The following DACH1 variants were observed in gnomAD, a reference collection of about 807,000 sequenced individuals.
The protein encoded by DACH1 is dachshund homolog 1.
In DACH1, 12 loss-of-function variants were observed where a neutral mutation model predicts 54.2. The observed-to-expected ratio is 0.22, with a 90% CI of 0.14 to 0.36. DACH1 has a LOEUF of 0.36. Ranked by LOEUF, DACH1 falls within the 10% of genes least tolerant of loss-of-function variation. DACH1 has a pLI of 1.00. For synonymous variants in DACH1, 386 were observed against 366.2 expected (o/e 1.05, Z -0.62); for missense variants, 805 against 929.8 (o/e 0.87, Z 1.75).
chr13:71,844,538 T>C (rs1352810736), intron 1 of DACH1, among the ~76,000 whole-genome samples: 1 of 152,192 alleles, frequency 6.6e-6, no homozygotes, highest in Admixed American at 6.5e-5. Context: ...GAAATAATAC[T>C]TTTTTTGTTT....
intron 3 of DACH1, among the ~76,000 whole-genome samples, chr13:71,612,133 A>C (rs1204179594): frequency 6.6e-6 from 1 of 152,110 alleles, no homozygotes; most frequent in Non-Finnish European, 1.5e-5. Context: ...ACCGATCCAA[A>C]TTTTATTTTA....
chr13:71,642,270 A>G (rs1451350635), intron 2 of DACH1, among the ~76,000 whole-genome samples: 1 of 152,192 alleles, frequency 6.6e-6, no homozygotes, highest in African/African-American at 2.4e-5. Context: ...ATTGAAAAAG[A>G]ACCAAACTAA....
chr13:71,778,051 C>T (rs1886137253), intron 1 of DACH1, among the ~76,000 whole-genome samples: 1 of 151,380 alleles, frequency 6.6e-6, no homozygotes, highest in African/African-American at 2.4e-5. Flanking sequence ...GAGATTGCAC[C>T]ACTGCACTCC....
At chr13:71,444,901 T>C (rs991051842) in intron 10 of DACH1, among the ~76,000 whole-genome samples, 1 of 152,136 alleles carries the variant, frequency 6.6e-6, no homozygotes, top group Non-Finnish European at 1.5e-5. Context: ...GGTCTGTTCT[T>C]CCTTCAAGAA....
intron 1 of DACH1, among the ~76,000 whole-genome samples, chr13:71,825,435 G>T (rs953749033): frequency 6.6e-6 from 1 of 152,006 alleles, no homozygotes; most frequent in Non-Finnish European, 1.5e-5. Context: ...CCCCTTAAAA[G>T]AAACCACATA....
At chr13:71,474,083 T>C (rs887700074) in intron 10 of DACH1, among the ~76,000 whole-genome samples, 1 of 152,134 alleles carries the variant, frequency 6.6e-6, no homozygotes, top group African/African-American at 2.4e-5. Context: ...AGATGTCTCA[T>C]AATAACATAT....
chr13:71,757,631 C>T (rs1374752676), intron 1 of DACH1, among the ~76,000 whole-genome samples: 2 of 151,138 alleles, frequency 1.3e-5, no homozygotes, highest in Non-Finnish European at 2.9e-5. Context: ...TCAAGCGATG[C>T]TCCAGCCTCA....
At chr13:71,768,564 C>A (rs1406583208) in intron 1 of DACH1, among the ~76,000 whole-genome samples, 2 of 151,890 alleles carry the variant, frequency 1.3e-5, no homozygotes, top group Non-Finnish European at 2.9e-5. Context: ...AAAAGTGTTG[C>A]AGTTACAGTT....
At chr13:71,782,950 C>T (rs1418829985) in intron 1 of DACH1, among the ~76,000 whole-genome samples, 3 of 152,010 alleles carry the variant, frequency 2.0e-5, no homozygotes, top group Non-Finnish European at 2.9e-5. Context: ...TCCTCAAAGT[C>T]CCTCAAGCCA....
chr13:71,805,415 A>AT lies in DACH1; in HGVS notation c.848+60506dup, dbSNP rs1221702420. On this transcript the variant is annotated intron_variant, in intron 1 of 10. Coordinates refer to ENST00000613252, the MANE Select transcript of DACH1 (RefSeq NM_080759.6). ...AAATGAACCCAGCTAAGCCAGGACA[A>AT]TTTTTTGATATTTCATATGTAATTC... 2.6e-5 allele frequency among the ~76,000 whole-genome samples: 4 copies of AT among 152,146 alleles called. 1 individual carries two copies. Among genetic ancestry groups the AT allele is most frequent in the Admixed American group, 2.0e-4 (3 of 15,254 alleles).
intron 2 of DACH1, among the ~76,000 whole-genome samples, chr13:71,661,659 ATTAAGT>A (rs1340114223): frequency 1.3e-5 from 2 of 152,064 alleles, no homozygotes; most frequent in African/African-American, 4.8e-5. Context: ...ATCCCTTGAA[ATTAAGT>A]TTATTTCTAT....
intron 1 of DACH1, among the ~76,000 whole-genome samples, chr13:71,766,667 T>C (rs1046203861): frequency 3.9e-5 from 6 of 152,178 alleles, no homozygotes; most frequent in Non-Finnish European, 8.8e-5. Flanking sequence ...GACTTGTTGA[T>C]TGCTCTTATA....
chr13:71,771,803 C>G (rs1212332579), intron 1 of DACH1, among the ~76,000 whole-genome samples: 7 of 150,724 alleles, frequency 4.6e-5, no homozygotes, highest in Non-Finnish European at 3.0e-5. Flanking sequence ...CACTCTTTAT[C>G]TCACTAAGAA....
chr13:71,602,988 T>C (rs1874615378), intron 3 of DACH1, among the ~76,000 whole-genome samples: 1 of 152,016 alleles, frequency 6.6e-6, no homozygotes, highest in South Asian at 2.1e-4. Context: ...AAATACACTT[T>C]ATTCAATTAC....
intron 1 of DACH1, among the ~76,000 whole-genome samples, chr13:71,816,308 T>C (rs1248221084): frequency 6.6e-6 from 1 of 152,010 alleles, no homozygotes. Context: ...TGACCCTTTA[T>C]CCCATTTTTG....
chr13:71,779,899 A>G (rs550569931), intron 1 of DACH1, among the ~76,000 whole-genome samples: 346 of 152,142 alleles, frequency 2.3e-3, no homozygotes, highest in African/African-American at 8.0e-3. Context: ...CTTTCCTACT[A>G]TATTGTGAGC....
Position 71,440,408 on chromosome 13 carries a change from T to A in DACH1, c.*247A>T. 1 of 417,094 alleles carries A rather than the reference T, an allele frequency of 2.4e-6. No homozygotes were observed. The highest frequency in any genetic ancestry group is 4.2e-6 in the Non-Finnish European group (1 of 235,480). 25.8% of individuals were successfully genotyped at this position (417,094 alleles called of 1,614,324 possible). A position where few individuals can be genotyped will look rare whatever the true frequency, so the allele number is the denominator to read the frequency against. On this transcript the variant is annotated 3_prime_UTR_variant, in exon 11 of 11. Transcript: ENST00000613252. ...TTGTCCAGCAGCAAGTTGCAGTAAT[T>A]AACTGTAAGAACTTTGATACTTGTA...
At position 71,473,437 on chromosome 13, in the gene DACH1, G is replaced by T. The variant is rs1373368652; in HGVS notation, c.2083+1704C>A. On this transcript the variant is annotated intron_variant, in intron 10 of 10. Coordinates refer to ENST00000613252, the MANE Select transcript of DACH1 (RefSeq NM_080759.6). ...TAAAACTTTTCTTCAGAATAAGTCAGTCACAACAATGGAAACTGAAAGTTG... is the reference window on the plus strand; with the variant it reads ...TAAAACTTTTCTTCAGAATAAGTCATTCACAACAATGGAAACTGAAAGTTG... Among the ~76,000 whole-genome samples, 3 of 152,138 alleles carry T rather than the reference G, an allele frequency of 2.0e-5. No individual in the cohort carries two copies. The East Asian group carries it at 5.8e-4, about 29-fold the overall frequency.
Position 71,692,506 on chromosome 13 carries a change from C to CTTTTTTTTTTTTTTTTTT in DACH1, c.849-10614_849-10597dup, listed in dbSNP as rs398023338. On this transcript the variant is annotated intron_variant, in intron 1 of 10. Transcript: ENST00000613252. ...CCTTTCTTTTTCTTTCTTTTCTTTC[C>CTTTTTTTTTTTTTTTTTT]TTTTTTTTTTTTTTTTTTTTTTTTT... is the stretch of plus-strand genomic sequence containing the variant. Among the ~76,000 whole-genome samples, 13 of 44,438 alleles carry CTTTTTTTTTTTTTTTTTT rather than the reference C, an allele frequency of 2.9e-4. 1 individual carries two copies. Among genetic ancestry groups the CTTTTTTTTTTTTTTTTTT allele is most frequent in the Admixed American group, 4.4e-4 (1 of 2,280 alleles). 29.2% of individuals were successfully genotyped at this position (44,438 alleles called of 152,430 possible).
Sources: gnomAD v4.1 joint callset for allele counts (sites outside exome capture counted in the v4.1 genomes callset) on GRCh38, gnomAD v4.1.1 for gene constraint, MANE v1.5 for transcripts, NCBI Gene and HGNC (gene_info 2026-07-23, HGNC 2026-07-21) for gene names.